PLXDC1: variants seen among roughly 807,000 people sequenced by gnomAD.
PLXDC1 encodes the protein plexin domain-containing protein 1.
A neutral mutation model predicts 61.3 loss-of-function variants in PLXDC1; 39 were observed. The ratio of observed to expected loss-of-function variants is 0.64; its 90% CI spans 0.49 to 0.83. PLXDC1 has a LOEUF of 0.83. Among genes scored for constraint, PLXDC1 ranks in the 40% least tolerant of loss-of-function variants. The pLI, the probability that PLXDC1 is intolerant of heterozygous loss-of-function variation, is 0.00. For missense variants in PLXDC1, 596 were observed against 666.5 expected (o/e 0.89, Z 1.17); for synonymous variants, 212 against 254.5 (o/e 0.83, Z 1.59).
chr17:39,093,200 C>T (rs949409449), intron 7 of PLXDC1, among the ~76,000 whole-genome samples: 2 of 152,102 alleles, frequency 1.3e-5, no homozygotes, highest in Admixed American at 6.6e-5. Context: ...CTGCCCCCAG[C>T]TCCACCTCCC....
chr17:39,098,133 AG>A (rs1910286106), intron 7 of PLXDC1, among the ~76,000 whole-genome samples: 1 of 142,000 alleles, frequency 7.0e-6, no homozygotes, highest in Non-Finnish European at 1.5e-5. Flanking sequence ...TGAACCCAGG[AG>A]GTGGAGGTTG....
At chr17:39,127,840 C>T (rs181081680) in intron 2 of PLXDC1, among the ~76,000 whole-genome samples, 5 of 149,362 alleles carry the variant, frequency 3.3e-5, no homozygotes, top group African/African-American at 9.9e-5. Context: ...CGCCTGTAGT[C>T]CCAGCTACTC....
At chr17:39,105,729 G>C (rs189277199) in intron 7 of PLXDC1, 125 bp downstream of exon 7, 26 of 633,600 alleles carry the variant, frequency 4.1e-5, no homozygotes, top group East Asian at 3.0e-4. Flanking sequence ...TTTCCTGCCT[G>C]GTTTCCCTCT....
chr17:39,128,118 T>C (rs796985751), intron 2 of PLXDC1, among the ~76,000 whole-genome samples: 18 of 56,344 alleles, frequency 3.2e-4, no homozygotes, highest in South Asian at 2.7e-3. Flanking sequence ...TATATATGTA[T>C]ATATATATGT....
intron 7 of PLXDC1, among the ~76,000 whole-genome samples, chr17:39,089,576 C>T (rs755568036): frequency 5.3e-5 from 8 of 152,130 alleles, no homozygotes; most frequent in African/African-American, 1.7e-4. Context: ...TCCATTTAAG[C>T]GAGTTTGAAT....
At chr17:39,083,415 C>T (rs1909632527) in intron 9 of PLXDC1, 44 bp downstream of exon 9, 2 of 1,513,344 alleles carry the variant, frequency 1.3e-6, no homozygotes, top group South Asian at 2.3e-5. Flanking sequence ...TCTTCCCCTC[C>T]ACAGTCGGCC....
intron 11 of PLXDC1, among the ~76,000 whole-genome samples, chr17:39,077,539 T>G (rs1909387806): frequency 6.6e-6 from 1 of 152,232 alleles, no homozygotes; most frequent in Non-Finnish European, 1.5e-5. Flanking sequence ...AGTTCATACC[T>G]GCTACAGGGA....
At chr17:39,128,175 A>ATATATATATGTGTATATATG (rs1911410089) in intron 2 of PLXDC1, among the ~76,000 whole-genome samples, 1 of 60,478 alleles carries the variant, frequency 1.7e-5, no homozygotes, top group African/African-American at 5.6e-5. Context: ...ATATATATGT[A>ATATATATATGTGTATATATG]TATATATATG....
chr17:39,107,288 G>C, intron 6 of PLXDC1, 119 bp downstream of exon 6: 1 of 654,774 alleles, frequency 1.5e-6, no homozygotes, highest in Non-Finnish European at 2.7e-6. Flanking sequence ...CAAACATCTT[G>C]TTAACTGCTG....
intron 11 of PLXDC1, among the ~76,000 whole-genome samples, chr17:39,075,775 C>T (rs1024966023): frequency 3.3e-5 from 5 of 152,072 alleles, no homozygotes; most frequent in East Asian, 3.9e-4. Context: ...TTCTAGGTAA[C>T]GTTTAGAAAG....
At chr17:39,072,263 C>T (rs1028514000) in intron 12 of PLXDC1, 187 bp downstream of exon 12, 17 of 615,746 alleles carry the variant, frequency 2.8e-5, no homozygotes, top group African/African-American at 1.1e-4. Context: ...CATGTTCCTT[C>T]GATCTAGGGC....
At chr17:39,093,446 G>T (rs781084284) in intron 7 of PLXDC1, among the ~76,000 whole-genome samples, 4 of 152,296 alleles carry the variant, frequency 2.6e-5, no homozygotes, top group African/African-American at 9.6e-5. Context: ...TACGGGCACA[G>T]TGGCTCATGC....
At chr17:39,128,790 C>G (rs945413096) in intron 2 of PLXDC1, among the ~76,000 whole-genome samples, 8 of 151,734 alleles carry the variant, frequency 5.3e-5, no homozygotes, top group Admixed American at 2.6e-4. Context: ...GTGGGCAGAT[C>G]ACGAGGTCAG....
Position 39,067,706 on chromosome 17 carries a change from G to T in PLXDC1, c.*134C>A. Reference sequence around the variant, plus strand: ...GGGTGTGCTGACGAAGCGAGCAGCAGCTCTGGAGCCATAAACCACCATCTC... The same window carrying T: ...GGGTGTGCTGACGAAGCGAGCAGCATCTCTGGAGCCATAAACCACCATCTC... On this transcript the variant is annotated 3_prime_UTR_variant, in exon 14 of 14. Coordinates refer to ENST00000315392, the MANE Select transcript of PLXDC1 (RefSeq NM_020405.5). 1.2e-6 allele frequency: 1 copy of T among 863,570 alleles called. No homozygotes were observed. The highest frequency in any genetic ancestry group is 1.8e-6 in the Non-Finnish European group (1 of 550,992). The allele number at this position is 863,570 out of a possible 1,614,324, so 53.5% of individuals were successfully genotyped here.
chr17:39,147,598 C>G (rs1362946466), intron 1 of PLXDC1, among the ~76,000 whole-genome samples: 2 of 151,626 alleles, frequency 1.3e-5, no homozygotes, highest in Admixed American at 6.6e-5. Context: ...TGAGGACCCT[C>G]ACCTGGGGAG....
chr17:39,113,345 T>C (rs1003566918), intron 2 of PLXDC1, among the ~76,000 whole-genome samples: 1 of 152,190 alleles, frequency 6.6e-6, no homozygotes, highest in African/African-American at 2.4e-5. Flanking sequence ...GCTACCAAAA[T>C]TGTGGTAATT....
At chr17:39,087,242 T>C (rs994406060) in intron 8 of PLXDC1, among the ~76,000 whole-genome samples, 1 of 152,188 alleles carries the variant, frequency 6.6e-6, no homozygotes, top group Non-Finnish European at 1.5e-5. Context: ...GCCCGTCTAG[T>C]TCCTGGATCA....
chr17:39,088,333 G>C lies in PLXDC1; in HGVS notation c.812-631C>G, dbSNP rs532449367. ...CCCCCAGCAAGGCTCAGGGCTTGCA[G>C]CCAGGCTCGAGTCCTACTTTGGTCC... On this transcript the variant is annotated intron_variant, in intron 7 of 13. Coordinates refer to ENST00000315392, the MANE Select transcript of PLXDC1 (RefSeq NM_020405.5). Among the ~76,000 whole-genome samples, 312 of 152,348 alleles carry C rather than the reference G, an allele frequency of 2.0e-3. 1 individual carries two copies. Among genetic ancestry groups the C allele is most frequent in the Non-Finnish European group, 3.5e-3 (238 of 68,030 alleles).
chr17:39,152,171 A>C, upstream of PLXDC1, among the ~76,000 whole-genome samples: 1 of 105,758 alleles, frequency 9.5e-6, no homozygotes, highest in African/African-American at 3.7e-5. Flanking sequence ...CCATGACTCC[A>C]CCTTATCCCT....
Sources: gnomAD v4.1 joint callset for allele counts (sites outside exome capture counted in the v4.1 genomes callset) on GRCh38, gnomAD v4.1.1 for gene constraint, MANE v1.5 for transcripts, NCBI Gene and HGNC (gene_info 2026-07-23, HGNC 2026-07-21) for gene names.